The following COL26A1 variants were observed in gnomAD, a reference collection of about 807,000 sequenced individuals.
The protein encoded by COL26A1 is collagen type XXVI alpha 1 chain, also known as collagen alpha-1(XXVI) chain.
In COL26A1, 41 loss-of-function variants were observed where a neutral mutation model predicts 59.3. That is an observed-to-expected ratio of 0.69 (90% CI 0.54 to 0.90). The LOEUF is 0.90. COL26A1 is among the 40% of genes least tolerant of loss of function. The pLI, the probability that COL26A1 is intolerant of heterozygous loss-of-function variation, is 0.00. For synonymous variants in COL26A1, 266 were observed against 256.0 expected, an observed-to-expected ratio of 1.04 and a Z score of -0.37; for missense variants, 612 against 602.3, an observed-to-expected ratio of 1.02 and a Z score of -0.17.
intron 1 of COL26A1, among the ~76,000 whole-genome samples, chr7:101,373,397 A>G (rs988065682): frequency 1.3e-5 from 2 of 152,234 alleles, no homozygotes; most frequent in African/African-American, 4.8e-5. Flanking sequence ...AGCAGAGTTC[A>G]AACATCTTGC....
chr7:101,431,387 A>G (rs974654626), intron 2 of COL26A1, among the ~76,000 whole-genome samples: 5 of 151,708 alleles, frequency 3.3e-5, no homozygotes, highest in African/African-American at 9.7e-5. Context: ...AGCCTCCCCA[A>G]TAGCTGGGAC....
At chr7:101,367,443 T>C in intron 1 of COL26A1, among the ~76,000 whole-genome samples, 1 of 152,072 alleles carries the variant, frequency 6.6e-6, no homozygotes, top group Non-Finnish European at 1.5e-5. Flanking sequence ...GGTGGGTGGA[T>C]CACCTGAGGT....
At chr7:101,451,585 A>G (rs1793338991) in intron 3 of COL26A1, among the ~76,000 whole-genome samples, 1 of 150,480 alleles carries the variant, frequency 6.6e-6, no homozygotes, top group Non-Finnish European at 1.5e-5. Context: ...TACGTAAAGT[A>G]TATAATTTAT....
At chr7:101,484,579 C>T (rs1268802618) in intron 3 of COL26A1, among the ~76,000 whole-genome samples, 1 of 151,792 alleles carries the variant, frequency 6.6e-6, no homozygotes, top group Non-Finnish European at 1.5e-5. Flanking sequence ...CCATGTTGGT[C>T]AGGCTGGTCT....
At chr7:101,551,217 T>A in intron 10 of COL26A1, 74 bp downstream of exon 10, 2 of 127,132 alleles carry the variant, frequency 1.6e-5, no homozygotes, top group Non-Finnish European at 2.6e-5. Flanking sequence ...GGGCACTGGG[T>A]GGCGGGGGTT....
At chr7:101,510,906 T>TC (rs1563019758) in intron 3 of COL26A1, among the ~76,000 whole-genome samples, 2 of 146,414 alleles carry the variant, frequency 1.4e-5, no homozygotes, top group African/African-American at 5.0e-5. Flanking sequence ...TTCTTTTTTT[T>TC]TTTTTTTTTT....
chr7:101,540,537 TAAAAA>T (rs369850957), intron 5 of COL26A1, among the ~76,000 whole-genome samples: 3 of 119,130 alleles, frequency 2.5e-5, no homozygotes, highest in African/African-American at 9.5e-5. Context: ...AAATTCCGTC[TAAAAA>T]AAAAAAAAAA....
chr7:101,373,572 G>A (rs901543810), intron 1 of COL26A1, among the ~76,000 whole-genome samples: 22 of 152,222 alleles, frequency 1.4e-4, no homozygotes, highest in African/African-American at 5.1e-4. Flanking sequence ...TTGGGACACC[G>A]AGGCAGTGCC....
intron 11 of COL26A1, among the ~76,000 whole-genome samples, 161 bp from the exon 12 acceptor site, chr7:101,555,626 T>C (rs1000030185): frequency 6.6e-6 from 1 of 152,062 alleles, no homozygotes; most frequent in East Asian, 1.9e-4. Flanking sequence ...TGGCACATAG[T>C]TGATGATGTT....
chr7:101,371,474 C>A (rs1791190302), intron 1 of COL26A1, among the ~76,000 whole-genome samples: 3 of 122,106 alleles, frequency 2.5e-5, no homozygotes, highest in African/African-American at 1.0e-4. Flanking sequence ...CATAGCCAGA[C>A]CCTGTCTCTG....
In COL26A1 at chr7:101,425,063, C is replaced by T. The variant is rs530412120; in HGVS notation, c.281+4964C>T. On this transcript the variant is annotated intron_variant, in intron 2 of 12. Coordinates refer to ENST00000313669, the MANE Select transcript of COL26A1 (RefSeq NM_001278563.3). ...TCAGCCTCCTGAGTAGCTGGGACTA[C>T]AGGCACACACCACCATGCCCAGTTA... Among the ~76,000 whole-genome samples, 38 of 152,138 alleles carry T rather than the reference C, an allele frequency of 2.5e-4. 1 individual carries two copies. In the South Asian group the frequency reaches 5.0e-3, roughly 20 times the overall value.
At chr7:101,392,363 G>A (rs934574614) in intron 1 of COL26A1, among the ~76,000 whole-genome samples, 2 of 147,904 alleles carry the variant, frequency 1.4e-5, no homozygotes, top group African/African-American at 5.0e-5. Context: ...GGTGCCTTCC[G>A]TACCAGCTAG....
chr7:101,426,046 C>T (rs574110168), intron 2 of COL26A1, among the ~76,000 whole-genome samples: 9 of 152,106 alleles, frequency 5.9e-5, no homozygotes, highest in South Asian at 4.2e-4. Flanking sequence ...AGGCTGGTCT[C>T]GAACTCCTGA....
At chr7:101,448,995 G>A (rs1237894027) in intron 3 of COL26A1, among the ~76,000 whole-genome samples, 1 of 152,206 alleles carries the variant, frequency 6.6e-6, no homozygotes, top group Non-Finnish European at 1.5e-5. Flanking sequence ...TTGCTTCAGG[G>A]GGCCTCTGGC....
chr7:101,547,365 T>A, intron 8 of COL26A1, 126 bp downstream of exon 8: 1 of 599,362 alleles, frequency 1.7e-6, no homozygotes, highest in Non-Finnish European at 3.0e-6. Flanking sequence ...TGCTGGGGAC[T>A]GGGTCTGTCC....
At chr7:101,523,989 G>A (rs186337108) in intron 3 of COL26A1, among the ~76,000 whole-genome samples, 1 of 151,998 alleles carries the variant, frequency 6.6e-6, no homozygotes, top group African/African-American at 2.4e-5. Context: ...AACAATTGTG[G>A]CCAGGCACAG....
chr7:101,387,225 A>G (rs1188076013), intron 1 of COL26A1, among the ~76,000 whole-genome samples: 1 of 152,094 alleles, frequency 6.6e-6, no homozygotes, highest in East Asian at 1.9e-4. Flanking sequence ...ATCTCCAAGA[A>G]TTATGAGAAG....
At chr7:101,399,042 T>C (rs1791929936) in intron 1 of COL26A1, among the ~76,000 whole-genome samples, 1 of 152,026 alleles carries the variant, frequency 6.6e-6, no homozygotes, top group Non-Finnish European at 1.5e-5. Context: ...TGGTGGCTCA[T>C]ACCTGTAATC....
intron 6 of COL26A1, 128 bp downstream of exon 6, chr7:101,544,224 G>A: frequency 3.0e-6 from 2 of 661,942 alleles, no homozygotes; most frequent in South Asian, 2.3e-5. Flanking sequence ...AGAAAAACGG[G>A]GTCTTTTTTT....
Sources: gnomAD v4.1 joint callset for allele counts (sites outside exome capture counted in the v4.1 genomes callset) on GRCh38, gnomAD v4.1.1 for gene constraint, MANE v1.5 for transcripts, NCBI Gene and HGNC (gene_info 2026-07-23, HGNC 2026-07-21) for gene names.